Variants in DLGAP2 observed in about 807,000 individuals in gnomAD.
DLGAP2 encodes disks large-associated protein 2.
Under a neutral mutation model 100.3 loss-of-function variants are expected in DLGAP2, and 26 were observed. The ratio of observed to expected loss-of-function variants is 0.26; its 90% CI spans 0.19 to 0.36. The LOEUF is 0.36. Among genes scored for constraint, DLGAP2 ranks in the 10% least tolerant of loss-of-function variants. DLGAP2 has a pLI of 1.00. For synonymous variants in DLGAP2, 886 were observed against 630.1 expected, an observed-to-expected ratio of 1.41 and a Z score of -6.08; for missense variants, 1,858 against 1,453.2, an observed-to-expected ratio of 1.28 and a Z score of -4.53.
At chr8:1,449,163 C>G (rs1027492402) in intron 3 of DLGAP2, among the ~76,000 whole-genome samples, 8 of 152,204 alleles carry the variant, frequency 5.3e-5, no homozygotes, top group Non-Finnish European at 1.0e-4. Flanking sequence ...GGGAAAGTCA[C>G]TTATATGATC....
intron 2 of DLGAP2, among the ~76,000 whole-genome samples, chr8:1,054,458 A>C (rs563844027): frequency 6.6e-6 from 1 of 152,346 alleles, no homozygotes; most frequent in Admixed American, 6.5e-5. Context: ...GTAGACGTCT[A>C]TCATTGTCAA....
chr8:1,432,704 T>C (rs904976889), intron 3 of DLGAP2, among the ~76,000 whole-genome samples: 3 of 152,222 alleles, frequency 2.0e-5, no homozygotes, highest in African/African-American at 7.2e-5. Flanking sequence ...GTCGGCATGC[T>C]GTGAATTTGG....
chr8:1,692,632 C>A (rs1799282354), intron 13 of DLGAP2, among the ~76,000 whole-genome samples: 1 of 152,050 alleles, frequency 6.6e-6, no homozygotes, highest in African/African-American at 2.4e-5. Flanking sequence ...CGTCTAATGT[C>A]ACAAATGAAG....
At chr8:1,328,198 C>G (rs1454138120) in intron 3 of DLGAP2, among the ~76,000 whole-genome samples, 1 of 151,844 alleles carries the variant, frequency 6.6e-6, no homozygotes, top group East Asian at 1.9e-4. Flanking sequence ...TGCCACCACA[C>G]CTGGCTAATT....
At chr8:879,872 C>T (rs1355317379) in intron 1 of DLGAP2, among the ~76,000 whole-genome samples, 1 of 152,200 alleles carries the variant, frequency 6.6e-6, no homozygotes, top group Admixed American at 6.5e-5. Context: ...ACTGTCTTCT[C>T]CATGTCATTG....
chr8:1,083,930 CTT>C (rs1393484461), intron 2 of DLGAP2, among the ~76,000 whole-genome samples: 1 of 152,116 alleles, frequency 6.6e-6, no homozygotes, highest in Non-Finnish European at 1.5e-5. Flanking sequence ...AAAATCATAA[CTT>C]TTTAAAAAAT....
chr8:1,563,469 G>T (rs1407793244), intron 5 of DLGAP2, among the ~76,000 whole-genome samples: 1 of 121,356 alleles, frequency 8.2e-6, no homozygotes, highest in African/African-American at 3.1e-5. Flanking sequence ...GTGTTGGGGT[G>T]TCCGCGCCTC....
intron 1 of DLGAP2, among the ~76,000 whole-genome samples, chr8:747,741 GC>G (rs745478652): frequency 1.5e-4 from 5 of 32,964 alleles, no homozygotes; most frequent in Admixed American, 3.1e-4. Context: ...GGATGGGGGG[GC>G]TCTGCGGTGG....
At chr8:1,076,049 A>C (rs1412861021) in intron 2 of DLGAP2, among the ~76,000 whole-genome samples, 11 of 152,142 alleles carry the variant, frequency 7.2e-5, no homozygotes, top group Admixed American at 7.2e-4. Flanking sequence ...GAGAAAGAGG[A>C]ATTCATACTA....
chr8:1,255,193 G>A (rs1235227978), intron 2 of DLGAP2, among the ~76,000 whole-genome samples: 5 of 104,414 alleles, frequency 4.8e-5, no homozygotes, highest in African/African-American at 9.8e-5. Context: ...ATCCTGCCTG[G>A]GTGCTGTGTG....
At chr8:1,074,045 A>G (rs1006641001) in intron 2 of DLGAP2, among the ~76,000 whole-genome samples, 1 of 142,456 alleles carries the variant, frequency 7.0e-6, no homozygotes. Context: ...CATATTCAGG[A>G]TTCACTGTCA....
chr8:880,377 A>G (rs1255526070), intron 1 of DLGAP2, among the ~76,000 whole-genome samples: 1 of 152,194 alleles, frequency 6.6e-6, no homozygotes, highest in African/African-American at 2.4e-5. Flanking sequence ...TCCCCAGGAA[A>G]GTGTCCACAC....
intron 2 of DLGAP2, among the ~76,000 whole-genome samples, chr8:923,577 G>A (rs898102034): frequency 2.6e-5 from 4 of 152,226 alleles, no homozygotes; most frequent in African/African-American, 7.2e-5. Context: ...AGGGGGTGAC[G>A]TTTAAGTGTA....
At chr8:1,005,518 C>T (rs912058502) in intron 2 of DLGAP2, among the ~76,000 whole-genome samples, 3 of 150,006 alleles carry the variant, frequency 2.0e-5, no homozygotes, top group Non-Finnish European at 4.4e-5. Context: ...AAGTGATTCT[C>T]TTGTCTTGGC....
chr8:1,652,151 A>G (rs1234301229), intron 8 of DLGAP2, among the ~76,000 whole-genome samples: 3 of 152,248 alleles, frequency 2.0e-5, no homozygotes, highest in African/African-American at 7.2e-5. Flanking sequence ...GTGCTAAGGA[A>G]CTATTACATT....
At chr8:1,343,866 G>C (rs911894942) in intron 3 of DLGAP2, among the ~76,000 whole-genome samples, 4 of 152,130 alleles carry the variant, frequency 2.6e-5, no homozygotes, top group African/African-American at 9.7e-5. Context: ...CCAGGGAGTA[G>C]GGGGAGCTCA....
At chr8:1,041,474 C>A (rs1030212612) in intron 2 of DLGAP2, among the ~76,000 whole-genome samples, 1 of 152,190 alleles carries the variant, frequency 6.6e-6, no homozygotes, top group Non-Finnish European at 1.5e-5. Flanking sequence ...TTTCTCCTTT[C>A]CTGTATTTCT....
chr8:1,078,291 T>C (rs1486138264), intron 2 of DLGAP2, among the ~76,000 whole-genome samples: 1 of 152,208 alleles, frequency 6.6e-6, no homozygotes, highest in Non-Finnish European at 1.5e-5. Flanking sequence ...ACAGAAGCAT[T>C]GAGCTGAAAT....
At chr8:1,060,377 G>A (rs1023816198) in intron 2 of DLGAP2, among the ~76,000 whole-genome samples, 1 of 77,980 alleles carries the variant, frequency 1.3e-5, no homozygotes, top group African/African-American at 3.5e-5. Flanking sequence ...TCCCAAGGCG[G>A]GCTCCCTCTG....
Sources: gnomAD v4.1 joint callset for allele counts (sites outside exome capture counted in the v4.1 genomes callset) on GRCh38, gnomAD v4.1.1 for gene constraint, MANE v1.5 for transcripts, NCBI Gene and HGNC (gene_info 2026-07-23, HGNC 2026-07-21) for gene names.